The following PLPPR1 variants were observed in gnomAD, a reference collection of about 807,000 sequenced individuals.
The protein encoded by PLPPR1 is phospholipid phosphatase-related protein type 1.
A neutral mutation model predicts 33.1 loss-of-function variants in PLPPR1; 10 were observed. The observed-to-expected ratio is 0.30, with a 90% CI of 0.19 to 0.51. The LOEUF (loss-of-function observed/expected upper bound fraction) is 0.51, where lower values mean the gene tolerates loss of function less well. Ranked by LOEUF, PLPPR1 falls within the 20% of genes least tolerant of loss-of-function variation. PLPPR1 has a pLI of 0.97. For missense variants in PLPPR1, 304 were observed against 408.1 expected (o/e 0.74, Z 2.20); for synonymous variants, 151 against 151.0 (o/e 1.00, Z 0.00).
At chr9:101,164,960 G>A (rs1825834739) in intron 1 of PLPPR1, among the ~76,000 whole-genome samples, 1 of 152,082 alleles carries the variant, frequency 6.6e-6, no homozygotes, top group Admixed American at 6.5e-5. Flanking sequence ...AGGAGAGGGA[G>A]TTGGAGCTAA....
chr9:101,178,916 G>A lies in PLPPR1; in HGVS notation c.-45-6534G>A, dbSNP rs925696596. ...GTTCCTGCGACATTATGTTCTGCTG[G>A]CCTAGAGGTCTTAGTTCCAGAGGGA... is the stretch of plus-strand genomic sequence containing the variant. On this transcript the variant is annotated intron_variant, in intron 1 of 7. Coordinates refer to ENST00000374874, the MANE Select transcript of PLPPR1 (RefSeq NM_207299.2). Among the ~76,000 whole-genome samples the A allele has an allele frequency of 5.9e-5, 9 of 152,268 alleles. No individual in the cohort carries two copies. In the East Asian group the frequency reaches 1.7e-3, roughly 29 times the overall value.
chr9:101,151,335 T>C (rs548228227), intron 1 of PLPPR1, among the ~76,000 whole-genome samples: 1 of 152,312 alleles, frequency 6.6e-6, no homozygotes, highest in South Asian at 2.1e-4. Context: ...GAAAATAATT[T>C]ATGTAAGTCA....
chr9:101,137,812 T>G (rs1227000436), intron 1 of PLPPR1, among the ~76,000 whole-genome samples: 1 of 152,230 alleles, frequency 6.6e-6, no homozygotes, highest in Non-Finnish European at 1.5e-5. Context: ...ACAAATTTCC[T>G]AAACATCCAT....
chr9:101,119,546 T>C (rs193050315), intron 1 of PLPPR1, among the ~76,000 whole-genome samples: 1 of 152,204 alleles, frequency 6.6e-6, no homozygotes, highest in Non-Finnish European at 1.5e-5. Context: ...AACCAATAGA[T>C]TCTTCGGAGA....
At chr9:101,058,174 A>T (rs1830301029) in intron 1 of PLPPR1, among the ~76,000 whole-genome samples, 1 of 152,104 alleles carries the variant, frequency 6.6e-6, no homozygotes, top group Non-Finnish European at 1.5e-5. Flanking sequence ...GGGCGGTATC[A>T]GCAGCTATGG....
At chr9:101,079,307 C>G (rs980251959) in intron 1 of PLPPR1, among the ~76,000 whole-genome samples, 2 of 152,052 alleles carry the variant, frequency 1.3e-5, no homozygotes, top group African/African-American at 4.8e-5. Context: ...GTAAAATCCT[C>G]TGTTTCCTGA....
intron 1 of PLPPR1, among the ~76,000 whole-genome samples, chr9:101,157,703 T>G (rs1320224329): frequency 5.9e-5 from 9 of 151,994 alleles, no homozygotes. Flanking sequence ...GAAGTCAAGG[T>G]AAATGAAACT....
intron 2 of PLPPR1, among the ~76,000 whole-genome samples, chr9:101,229,666 T>C (rs1197080086): frequency 1.3e-5 from 2 of 152,164 alleles, no homozygotes; most frequent in African/African-American, 2.4e-5. Flanking sequence ...TGTGTGCATT[T>C]GAAAACTTTC....
intron 4 of PLPPR1, among the ~76,000 whole-genome samples, chr9:101,302,914 A>T (rs1478391108): frequency 6.6e-6 from 1 of 152,208 alleles, no homozygotes; most frequent in Non-Finnish European, 1.5e-5. Context: ...TACTTTCACT[A>T]TCTTTCACGA....
intron 1 of PLPPR1, among the ~76,000 whole-genome samples, chr9:101,095,860 A>G (rs1830810706): frequency 6.6e-6 from 1 of 152,142 alleles, no homozygotes; most frequent in African/African-American, 2.4e-5. Flanking sequence ...TTTGCTTTAA[A>G]TGTTGACCCA....
intron 1 of PLPPR1, among the ~76,000 whole-genome samples, chr9:101,075,560 G>A (rs1486291905): frequency 6.6e-6 from 1 of 152,160 alleles, no homozygotes; most frequent in Non-Finnish European, 1.5e-5. Context: ...GAGTCATTTG[G>A]TGCCTAGTGA....
At chr9:101,279,999 G>A (rs532708025) in intron 3 of PLPPR1, among the ~76,000 whole-genome samples, 15 of 152,046 alleles carry the variant, frequency 9.9e-5, no homozygotes, top group African/African-American at 3.4e-4. Flanking sequence ...ACAAAAGATC[G>A]ATTAAATGAA....
chr9:101,033,618 T>G (rs1206781771), intron 1 of PLPPR1, among the ~76,000 whole-genome samples: 1 of 152,148 alleles, frequency 6.6e-6, no homozygotes, highest in Non-Finnish European at 1.5e-5. Context: ...AGAACTGGCA[T>G]GAAAGCAAAA....
intron 1 of PLPPR1, among the ~76,000 whole-genome samples, chr9:101,130,992 G>A (rs1305677147): frequency 1.3e-5 from 2 of 149,558 alleles, no homozygotes; most frequent in African/African-American, 2.6e-5. Flanking sequence ...TGTAGATAAA[G>A]GTACACACAT....
chr9:101,268,181 A>T (rs1828032882), intron 2 of PLPPR1, among the ~76,000 whole-genome samples: 1 of 152,086 alleles, frequency 6.6e-6, no homozygotes. Context: ...CAGCACACCA[A>T]CATGGCACAT....
At chr9:101,127,669 GA>G (rs1250937094) in intron 1 of PLPPR1, among the ~76,000 whole-genome samples, 1 of 152,178 alleles carries the variant, frequency 6.6e-6, no homozygotes, top group Non-Finnish European at 1.5e-5. Context: ...TCCAAGCTAC[GA>G]GGGATTTTAT....
At position 101,324,920 on chromosome 9, in the gene PLPPR1, A is replaced by G. The variant is rs899273390; in HGVS notation, c.*863A>G. 1 of 152,646 alleles carries G rather than the reference A, an allele frequency of 6.6e-6. No homozygotes were observed. Among genetic ancestry groups the G allele is most frequent in the African/African-American group, 2.4e-5 (1 of 41,464 alleles). The allele number at this position is 152,646 out of a possible 1,614,324, so 9.5% of individuals were successfully genotyped here. A position where few individuals can be genotyped will look rare whatever the true frequency, so the allele number is the denominator to read the frequency against. On this transcript the variant is annotated 3_prime_UTR_variant, in exon 8 of 8. Transcript: ENST00000374874. ...ATCTACAACATAGGGCCCCAGAACA[A>G]CAGTTTCACTTTGTGGCTTTTAATT...
rs1828187345 is a variant in PLPPR1, at chr9:101,276,128, CT to C, written c.252+6064del. On this transcript the variant is annotated intron_variant, in intron 3 of 7. Coordinates refer to ENST00000374874, the MANE Select transcript of PLPPR1 (RefSeq NM_207299.2). ...GGTCTTGTACTTCCTCATAATCTGC[CT>C]TTTCCAGGCTCTGAACAACCTCATC... Among the ~76,000 whole-genome samples, 5 of 152,106 alleles carry C rather than the reference CT, an allele frequency of 3.3e-5. No homozygotes were observed. In the South Asian group the frequency reaches 1.0e-3, roughly 32 times the overall value.
rs544265135 is a variant in PLPPR1, at chr9:101,169,475, G to A, written c.-45-15975G>A. ...TTAGCAGTTCTCCTCGTGGTGGACCGTAAGATAATTCAGGATACTCCCTTC... is the reference window on the plus strand; with the variant it reads ...TTAGCAGTTCTCCTCGTGGTGGACCATAAGATAATTCAGGATACTCCCTTC... On this transcript the variant is annotated intron_variant, in intron 1 of 7. Transcript: ENST00000374874. 1.4e-4 allele frequency among the ~76,000 whole-genome samples: 21 copies of A among 152,190 alleles called. 1 individual carries two copies. The South Asian group carries it at 1.9e-3, about 14-fold the overall frequency.
Sources: allele counts gnomAD v4.1 joint callset (sites outside exome capture counted in the v4.1 genomes callset), GRCh38; gene constraint gnomAD v4.1.1; transcripts MANE v1.5; gene names NCBI Gene and HGNC (gene_info 2026-07-23, HGNC 2026-07-21).